Variants in MTA3 observed in about 807,000 individuals in gnomAD.
The protein encoded by MTA3 is metastasis-associated protein MTA3.
Under a neutral mutation model 83.5 loss-of-function variants are expected in MTA3, and 34 were observed. The observed-to-expected ratio is 0.41, with a 90% confidence interval of 0.31 to 0.54. MTA3 has a LOEUF of 0.54. Among genes scored for constraint, MTA3 ranks in the 20% least tolerant of loss-of-function variants. The probability of loss-of-function intolerance (pLI) is 0.33; values close to 1 mark genes in which losing one functional copy is unlikely to be tolerated. For synonymous variants in MTA3, 303 were observed against 252.7 expected, an observed-to-expected ratio of 1.20 and a Z score of -1.89; for missense variants, 761 against 726.4, an observed-to-expected ratio of 1.05 and a Z score of -0.55.
In MTA3 at chr2:42,753,641, C is replaced by A. The variant is rs1275713281; in HGVS notation, c.*242C>A. ...TGTCAGAGACCTCGCTGTTACGGAG[C>A]GAGACCTGCTGAGAATTGAGGGGCT... On this transcript the variant is annotated 3_prime_UTR_variant, in exon 17 of 17. Transcript: ENST00000405094. 1 of 1,329,554 alleles carries A rather than the reference C, an allele frequency of 7.5e-7. No homozygotes were observed. The highest frequency in any genetic ancestry group is 9.7e-7 in the Non-Finnish European group (1 of 1,035,682). The allele number at this position is 1,329,554 out of a possible 1,614,324, so 82.4% of individuals were successfully genotyped here.
At chr2:42,718,691 A>G (rs1667199901) in intron 14 of MTA3, among the ~76,000 whole-genome samples, 1 of 151,968 alleles carries the variant, frequency 6.6e-6, no homozygotes, top group South Asian at 2.1e-4. Context: ...TGAACCCAGG[A>G]GGTGGAGGTT....
chr2:42,715,080 T>A (rs1431386197), intron 14 of MTA3, among the ~76,000 whole-genome samples: 1 of 152,214 alleles, frequency 6.6e-6, no homozygotes. Context: ...CTGGGTTCTT[T>A]GGGGATTTCT....
In MTA3 at chr2:42,708,906, G is replaced by A; in HGVS notation, c.1335G>A (p.Gln445=). ...DPRVRSHVSR[Q]AMQGMPVRNT... is the part of the protein sequence containing the mutation. Reference sequence around the variant, plus strand: ...GTGTTAGAAGTCACGTGTCCCGCCAGGCCATGCAGGGAATGCCAGTCCGAA... The same window carrying A: ...GTGTTAGAAGTCACGTGTCCCGCCAAGCCATGCAGGGAATGCCAGTCCGAA... Residue 445 remains glutamine, a synonymous_variant, in exon 14 of 17, where the codon CAG becomes CAA. Transcript: ENST00000405094. 2 of 1,613,992 alleles carry A rather than the reference G, an allele frequency of 1.2e-6. No homozygotes were observed. The highest frequency in any genetic ancestry group is 4.5e-5 in the East Asian group (2 of 44,888).
At chr2:42,557,938 C>T (rs1039353228) in intron 2 of MTA3, among the ~76,000 whole-genome samples, 2 of 152,126 alleles carry the variant, frequency 1.3e-5, no homozygotes, top group East Asian at 1.9e-4. Flanking sequence ...CTCAGGCCAA[C>T]CCTACCAATT....
intron 2 of MTA3, among the ~76,000 whole-genome samples, chr2:42,504,665 C>CTT (rs373215866): frequency 7.3e-4 from 105 of 143,088 alleles, no homozygotes; most frequent in African/African-American, 2.4e-3. Context: ...TTTAAGCTTG[C>CTT]TTTTTTTTTT....
At chr2:42,624,971 A>G (rs573721667) in intron 4 of MTA3, among the ~76,000 whole-genome samples, 3 of 152,296 alleles carry the variant, frequency 2.0e-5, no homozygotes, top group Admixed American at 6.5e-5. Flanking sequence ...TTTTACAGTG[A>G]TGCATCAATG....
intron 2 of MTA3, chr2:42,511,588 T>G (rs1296048650): frequency 6.6e-6 from 1 of 152,116 alleles, no homozygotes; most frequent in African/African-American, 2.4e-5. Context: ...TGGTGGTGCA[T>G]GCCTGTAATC....
At chr2:42,584,482 A>G (rs1362645266) in intron 3 of MTA3, among the ~76,000 whole-genome samples, 3 of 152,198 alleles carry the variant, frequency 2.0e-5, no homozygotes, top group African/African-American at 4.8e-5. Context: ...CATTCTATAT[A>G]TAATGCAAAT....
At chr2:42,642,682 T>TC (rs1213033491) in intron 5 of MTA3, among the ~76,000 whole-genome samples, 1 of 150,858 alleles carries the variant, frequency 6.6e-6, no homozygotes, top group East Asian at 1.9e-4. Flanking sequence ...CTCACTCTTG[T>TC]CCCCCAGGCT....
chr2:42,742,142 C>CTTTT (rs779331968), intron 16 of MTA3, among the ~76,000 whole-genome samples: 3 of 141,166 alleles, frequency 2.1e-5, no homozygotes, highest in Non-Finnish European at 1.5e-5. Context: ...TTCTTTCTTT[C>CTTTT]TTTTTTTTTT....
At chr2:42,631,491 T>TTG (rs1459906267) in intron 4 of MTA3, among the ~76,000 whole-genome samples, 4 of 152,160 alleles carry the variant, frequency 2.6e-5, no homozygotes, top group African/African-American at 9.7e-5. Flanking sequence ...TCTCAAGTAC[T>TTG]TGTGTGTGTG....
At chr2:42,650,070 T>C (rs886410185) in intron 6 of MTA3, among the ~76,000 whole-genome samples, 2 of 152,248 alleles carry the variant, frequency 1.3e-5, no homozygotes, top group Admixed American at 6.5e-5. Flanking sequence ...TTGCAGAATA[T>C]GAACTTCTTA....
At chr2:42,752,291 G>A (rs776637824) in intron 16 of MTA3, 9 of 471,084 alleles carry the variant, frequency 1.9e-5, no homozygotes, top group African/African-American at 1.4e-4. Context: ...TCCTTGGCAT[G>A]CTCTGAGGCT....
chr2:42,632,874 G>C (rs1169479154), intron 4 of MTA3, among the ~76,000 whole-genome samples: 2 of 151,860 alleles, frequency 1.3e-5, no homozygotes, highest in African/African-American at 4.8e-5. Context: ...ATCTGTTAAA[G>C]CAGTATTAGT....
chr2:42,508,057 T>C (rs1299556348), intron 2 of MTA3, among the ~76,000 whole-genome samples: 4 of 152,174 alleles, frequency 2.6e-5, no homozygotes, highest in Non-Finnish European at 5.9e-5. Flanking sequence ...TGCATCCCCA[T>C]CTTCTGAGTT....
upstream of MTA3, among the ~76,000 whole-genome samples, chr2:42,565,262 C>T (rs1677858664): frequency 6.6e-6 from 1 of 152,022 alleles, no homozygotes; most frequent in Admixed American, 6.6e-5. Context: ...ACATGGCTCA[C>T]AGCCTCTACC....
intron 2 of MTA3, among the ~76,000 whole-genome samples, chr2:42,554,347 G>A (rs1206043793): frequency 6.6e-6 from 1 of 152,246 alleles, no homozygotes; most frequent in Non-Finnish European, 1.5e-5. Context: ...AGGTAACCTA[G>A]ACTATGGTGC....
chr2:42,698,684 T>C (rs2104478995), intron 11 of MTA3, among the ~76,000 whole-genome samples: 1 of 152,314 alleles, frequency 6.6e-6, no homozygotes, highest in African/African-American at 2.4e-5. Context: ...AGTTGTTTAA[T>C]AACTAGCCTT....
intron 9 of MTA3, among the ~76,000 whole-genome samples, chr2:42,689,773 C>CTTTT (rs1222011840): frequency 3.4e-5 from 4 of 118,524 alleles, no homozygotes; most frequent in African/African-American, 1.2e-4. Flanking sequence ...TAATTTGTGT[C>CTTTT]TTTTTTTTTT....
Sources: gnomAD v4.1 joint callset for allele counts (sites outside exome capture counted in the v4.1 genomes callset) on GRCh38, gnomAD v4.1.1 for gene constraint, MANE v1.5 for transcripts, NCBI Gene and HGNC (gene_info 2026-07-23, HGNC 2026-07-21) for gene names.